GAS2: variants seen among roughly 807,000 people sequenced by gnomAD.
GAS2 encodes the protein growth arrest specific 2, also known as growth arrest-specific protein 2.
Under a neutral mutation model 37.5 loss-of-function variants are expected in GAS2, and 20 were observed. That is an observed-to-expected ratio of 0.53 (90% confidence interval 0.37 to 0.77). GAS2 has a LOEUF of 0.77. Among genes scored for constraint, GAS2 ranks in the 30% least tolerant of loss-of-function variants. The pLI is 0.00. For synonymous variants in GAS2, 144 were observed against 132.2 expected, an observed-to-expected ratio of 1.09 and a Z score of -0.61; for missense variants, 336 against 373.4, an observed-to-expected ratio of 0.90 and a Z score of 0.82.
At chr11:22,698,513 A>G (rs1418377282) in intron 3 of GAS2, among the ~76,000 whole-genome samples, 1 of 151,910 alleles carries the variant, frequency 6.6e-6, no homozygotes, top group Non-Finnish European at 1.5e-5. Context: ...TCCCTAACTC[A>G]TTTTATGAGG....
intron 7 of GAS2, among the ~76,000 whole-genome samples, chr11:22,790,400 A>G (rs532319970): frequency 1.3e-5 from 2 of 152,322 alleles, no homozygotes; most frequent in African/African-American, 2.4e-5. Flanking sequence ...GTACAGAGCC[A>G]TGCTGCTTTA....
chr11:22,649,145 A>G lies in GAS2; in HGVS notation c.-21+23332A>G, dbSNP rs1259385840. On this transcript the variant is annotated intron_variant, in intron 1 of 5. Coordinates refer to the GAS2 transcript ENST00000528582. Reference sequence around the variant, plus strand: ...GCATGAAGGGTTGTTGAATTTTGTCAAAGGCCTTTTCTGCATCTATTGAGA... The same window carrying G: ...GCATGAAGGGTTGTTGAATTTTGTCGAAGGCCTTTTCTGCATCTATTGAGA... Among the ~76,000 whole-genome samples, 5 of 151,524 alleles carry G rather than the reference A, an allele frequency of 3.3e-5. No homozygotes were observed. In the East Asian group the frequency reaches 9.7e-4, roughly 29 times the overall value.
intron 2 of GAS2, among the ~76,000 whole-genome samples, chr11:22,677,973 CT>C (rs5790278): frequency 0.63 from 94,636 of 151,378 alleles, 30,700 homozygotes; most frequent in East Asian, 0.82. Flanking sequence ...AAATGAATGA[CT>C]TTTTTTTTCA....
intron 3 of GAS2, among the ~76,000 whole-genome samples, chr11:22,700,322 T>C (rs1311575752): frequency 6.6e-6 from 1 of 152,194 alleles, no homozygotes; most frequent in East Asian, 1.9e-4. Flanking sequence ...TAGCCATCTT[T>C]GCTTTTTAAT....
intron 1 of GAS2, among the ~76,000 whole-genome samples, chr11:22,644,315 A>C (rs1848663626): frequency 6.6e-6 from 1 of 152,212 alleles, no homozygotes; most frequent in South Asian, 2.1e-4. Flanking sequence ...AAACTGGCTG[A>C]AATAAGCCAA....
chr11:22,802,977 T>G (rs1856733217), intron 7 of GAS2, among the ~76,000 whole-genome samples: 1 of 152,146 alleles, frequency 6.6e-6, no homozygotes, highest in East Asian at 1.9e-4. Flanking sequence ...CTTAGGTGTG[T>G]AGAAGGCTGT....
At chr11:22,691,242 T>G (rs1333154208) in intron 3 of GAS2, among the ~76,000 whole-genome samples, 1 of 152,208 alleles carries the variant, frequency 6.6e-6, no homozygotes, top group African/African-American at 2.4e-5. Flanking sequence ...ATCCTGCAGA[T>G]AGAATGCCTA....
chr11:22,775,540 A>G (rs1270712153), intron 7 of GAS2, among the ~76,000 whole-genome samples: 2 of 152,124 alleles, frequency 1.3e-5, no homozygotes, highest in East Asian at 1.9e-4. Flanking sequence ...TCTGCTTGTT[A>G]ATGAGTGGTT....
chr11:22,793,764 T>C (rs960572279), intron 7 of GAS2, among the ~76,000 whole-genome samples: 2 of 152,212 alleles, frequency 1.3e-5, no homozygotes, highest in African/African-American at 4.8e-5. Flanking sequence ...ATGATGGTTG[T>C]GTTTTGTGAT....
chr11:22,698,575 A>G (rs1850664686), intron 3 of GAS2, among the ~76,000 whole-genome samples: 2 of 150,000 alleles, frequency 1.3e-5, no homozygotes, highest in South Asian at 2.1e-4. Flanking sequence ...AAAAAAGAGA[A>G]TTTTAGACCA....
At chr11:22,630,083 A>G (rs900350759) in intron 1 of GAS2, among the ~76,000 whole-genome samples, 1 of 152,070 alleles carries the variant, frequency 6.6e-6, no homozygotes, top group Non-Finnish European at 1.5e-5. Context: ...GCTCTAGGGT[A>G]CATGTGCACA....
chr11:22,713,129 G>A (rs1055246152), intron 3 of GAS2, among the ~76,000 whole-genome samples: 1 of 150,114 alleles, frequency 6.7e-6, no homozygotes, highest in Non-Finnish European at 1.5e-5. Context: ...ATAGGATACA[G>A]ATGAAAAAGT....
chr11:22,788,422 A>G (rs1301301676), intron 7 of GAS2, among the ~76,000 whole-genome samples: 2 of 152,068 alleles, frequency 1.3e-5, no homozygotes, highest in Non-Finnish European at 2.9e-5. Context: ...TATCCTGTGT[A>G]TTGTAGGAGA....
Position 22,709,705 on chromosome 11 carries a change from T to G in GAS2, c.268-16587T>G, listed in dbSNP as rs553971632. Among the ~76,000 whole-genome samples the G allele has an allele frequency of 1.4e-3, 210 of 152,290 alleles. 1 individual carries two copies. Among genetic ancestry groups the G allele is most frequent in the African/African-American group, 4.8e-3 (201 of 41,564 alleles). On this transcript the variant is annotated intron_variant, in intron 3 of 7. Coordinates refer to ENST00000454584, the MANE Select transcript of GAS2 (RefSeq NM_001143830.3). The stretch of plus-strand genomic sequence containing the variant: ...TAAATCATGCTGCTATAAAGACACA[T>G]GCACACGTATGTTTATCGTGGCACT...
At chr11:22,730,804 A>G (rs1454937097) in intron 4 of GAS2, among the ~76,000 whole-genome samples, 1 of 151,768 alleles carries the variant, frequency 6.6e-6, no homozygotes, top group African/African-American at 2.4e-5. Context: ...GTGTGAAAGT[A>G]TTTATATTTT....
intron 5 of GAS2, among the ~76,000 whole-genome samples, chr11:22,740,984 C>T (rs762800591): frequency 2.0e-5 from 3 of 152,104 alleles, no homozygotes; most frequent in Non-Finnish European, 4.4e-5. Context: ...CATTGATAGA[C>T]GATGTATTCT....
Position 22,704,588 on chromosome 11 carries a change from C to CATATATATATATATATAT in GAS2, c.267+18818_267+18835dup, listed in dbSNP as rs3049395. On this transcript the variant is annotated intron_variant, in intron 3 of 7. Coordinates refer to ENST00000454584, the MANE Select transcript of GAS2 (RefSeq NM_001143830.3). ...TCAATTAGAAGCCAGTGAAAATAAA[C>CATATATATATATATATAT]ATATATATATATATATATATATATA... Among the ~76,000 whole-genome samples, 750 of 90,400 alleles carry CATATATATATATATATAT rather than the reference C, an allele frequency of 8.3e-3. 22 individuals carry two copies. Among genetic ancestry groups the CATATATATATATATATAT allele is most frequent in the East Asian group, 0.018 (50 of 2,708 alleles). 59.3% of individuals were successfully genotyped at this position (90,400 alleles called of 152,430 possible).
chr11:22,724,653 A>T lies in GAS2; in HGVS notation c.268-1639A>T, dbSNP rs375089611. ...TAAGGAAATATTTCTGTATAGAGTA[A>T]CCCTATATATGGTTTATATAGCTAT... On this transcript the variant is annotated intron_variant, in intron 3 of 7. Transcript: ENST00000454584. 1.4e-4 allele frequency among the ~76,000 whole-genome samples: 21 copies of T among 152,178 alleles called. No individual in the cohort carries two copies. The East Asian group carries it at 3.9e-3, about 28-fold the overall frequency.
At chr11:22,644,542 C>T (rs1461961948) in intron 1 of GAS2, among the ~76,000 whole-genome samples, 1 of 152,112 alleles carries the variant, frequency 6.6e-6, no homozygotes, top group East Asian at 1.9e-4. Flanking sequence ...TTCTTTTGAA[C>T]AGATTAATGC....
Sources: allele counts gnomAD v4.1 joint callset (sites outside exome capture counted in the v4.1 genomes callset), GRCh38; gene constraint gnomAD v4.1.1; transcripts MANE v1.5; gene names NCBI Gene and HGNC (gene_info 2026-07-23, HGNC 2026-07-21).